KIF19: variants seen among roughly 807,000 people sequenced by gnomAD.
KIF19 encodes the protein kinesin family member 19, also known as kinesin-like protein KIF19.
KIF19 carries 98 observed loss-of-function variants against 106.6 expected under a neutral mutation model. The observed-to-expected ratio is 0.92, with a 90% CI of 0.78 to 1.09. The LOEUF is 1.09. Among genes scored for constraint, KIF19 ranks in the 50% least tolerant of loss-of-function variants. KIF19 has a pLI of 0.00. For missense variants in KIF19, 1,373 were observed against 1,414.3 expected (o/e 0.97, Z 0.47); for synonymous variants, 516 against 584.2 (o/e 0.88, Z 1.68).
intron 2 of KIF19, among the ~76,000 whole-genome samples, chr17:74,338,052 AGGACGCTGTGAACTT>A (rs2054265395): frequency 2.0e-5 from 3 of 152,262 alleles, no homozygotes; most frequent in Admixed American, 6.5e-5. Flanking sequence ...CCAAATGCCC[AGGACGCTGTGAACTT>A]GGCAGTGTCT....
rs779209646 is a variant in KIF19, at chr17:74,354,427, C to G, written c.2574C>G (p.Val858=). 1.9e-6 allele frequency: 3 copies of G among 1,611,144 alleles called. No individual in the cohort carries two copies. The highest frequency in any genetic ancestry group is 1.1e-5 in the South Asian group (1 of 90,778). The change falls in exon 18 of 20, where the codon GTC becomes GTG. Residue 858 remains valine, a synonymous_variant. Coordinates refer to ENST00000389916, the MANE Select transcript of KIF19 (RefSeq NM_153209.4). ...SSTGEAPSRA[V]GHHGDGPRPW... is the part of the protein sequence containing the mutation. Reference sequence around the variant, plus strand: ...CGGGCGAGGCCCCGTCCCGGGCAGTCGGACATCATGGGGACGGCCCCAGGC... The same window carrying G: ...CGGGCGAGGCCCCGTCCCGGGCAGTGGGACATCATGGGGACGGCCCCAGGC...
At position 74,343,027 on chromosome 17, in the gene KIF19, G is replaced by A. The variant is rs1430458585; in HGVS notation, c.323G>A (p.Cys108Tyr). 1.2e-6 allele frequency: 2 copies of A among 1,605,356 alleles called. No homozygotes were observed. Among genetic ancestry groups the A allele is most frequent in the South Asian group, 2.2e-5 (2 of 89,594 alleles). Residue 108 changes from cysteine to tyrosine, a missense_variant, in exon 5 of 20, where the codon TGT (cysteine) becomes TAT (tyrosine). Around this residue, in one of 3 missense-constraint regions of KIF19, gnomAD observed 348 missense variants for 389.5 expected, o/e 0.89. Coordinates refer to ENST00000389916, the MANE Select transcript of KIF19 (RefSeq NM_153209.4). ...ATVFAYGPTGCGKTYTMLGTD... is the reference protein window; with the variant it reads ...ATVFAYGPTGYGKTYTMLGTD... Reference sequence around the variant, plus strand: ...CCTCCACCTTGTTCTGCCCCAGGCTGTGGGAAAACCTACACCATGCTGGGC... The same window carrying A: ...CCTCCACCTTGTTCTGCCCCAGGCTATGGGAAAACCTACACCATGCTGGGC...
rs761725781 is a variant in KIF19, at chr17:74,355,408, G to A, written c.*96G>A. 2.8e-5 allele frequency: 39 copies of A among 1,410,940 alleles called. 1 individual carries two copies. The highest frequency in any genetic ancestry group is 2.5e-4 in the South Asian group (17 of 68,872). 87.4% of individuals were successfully genotyped at this position (1,410,940 alleles called of 1,614,324 possible). A position where few individuals can be genotyped will look rare whatever the true frequency, so the allele number is the denominator to read the frequency against. On this transcript the variant is annotated 3_prime_UTR_variant, in exon 20 of 20. Transcript: ENST00000389916. ...AGGCTGGGCAGATGGAGATGACCAG[G>A]AAGTAAGCTCAGGATCTCAGCAGGC...
At chr17:74,339,567 GC>G (rs1000728699) in intron 2 of KIF19, among the ~76,000 whole-genome samples, 15 of 148,726 alleles carry the variant, frequency 1.0e-4, no homozygotes, top group African/African-American at 3.5e-4. Flanking sequence ...TACCTCCCTC[GC>G]CCCCTTCCCT....
intron 4 of KIF19, 50 bp from the exon 5 acceptor site, chr17:74,342,974 G>A: frequency 6.5e-7 from 1 of 1,535,408 alleles, no homozygotes; most frequent in Non-Finnish European, 8.8e-7. Flanking sequence ...GCCCAGCAAG[G>A]CCTCCCTCCC....
At chr17:74,354,717 G>T (rs1208000816) in intron 18 of KIF19, 65 bp from the exon 19 acceptor site, 27 of 1,531,458 alleles carry the variant, frequency 1.8e-5, no homozygotes, top group Middle Eastern at 3.7e-4. Flanking sequence ...ATAGTAGCTG[G>T]GACAGATCCT....
Position 74,355,427 on chromosome 17 carries a change from A to G in KIF19, c.*115A>G. On this transcript the variant is annotated 3_prime_UTR_variant, in exon 20 of 20. Coordinates refer to ENST00000389916, the MANE Select transcript of KIF19 (RefSeq NM_153209.4). Reference sequence around the variant, plus strand: ...GACCAGGAAGTAAGCTCAGGATCTCAGCAGGCCAGGGCTCCTGAGACCCAG... The same window carrying G: ...GACCAGGAAGTAAGCTCAGGATCTCGGCAGGCCAGGGCTCCTGAGACCCAG... The G allele has an allele frequency of 7.8e-7, 1 of 1,280,136 alleles. No individual in the cohort carries two copies. The highest frequency in any genetic ancestry group is 1.0e-6 in the Non-Finnish European group (1 of 959,242). The allele number at this position is 1,280,136 out of a possible 1,614,324, so 79.3% of individuals were successfully genotyped here.
intron 18 of KIF19, 51 bp from the exon 19 acceptor site, chr17:74,354,731 A>G: frequency 1.3e-6 from 2 of 1,535,652 alleles, no homozygotes; most frequent in African/African-American, 1.4e-5. Flanking sequence ...AGATCCTGGT[A>G]GCAGATCCCT....
chr17:74,353,904 T>C (rs1373698860), intron 17 of KIF19, among the ~76,000 whole-genome samples: 1 of 152,230 alleles, frequency 6.6e-6, no homozygotes, highest in Non-Finnish European at 1.5e-5. Flanking sequence ...ATTCAATGTC[T>C]GCCCCCTGGA....
At chr17:74,330,365 C>G (rs1177658643) in intron 2 of KIF19, among the ~76,000 whole-genome samples, 1 of 152,174 alleles carries the variant, frequency 6.6e-6, no homozygotes, top group African/African-American at 2.4e-5. Context: ...CATGCTTACC[C>G]AGTCCTTGGC....
At position 74,326,509 on chromosome 17, in the gene KIF19, C is replaced by T. The variant is rs971808013; in HGVS notation, c.39+121C>T. 4.2e-5 allele frequency: 37 copies of T among 878,572 alleles called. 1 individual carries two copies. In the African/African-American group the frequency reaches 6.2e-4, roughly 15 times the overall value. 54.4% of individuals were successfully genotyped at this position (878,572 alleles called of 1,614,324 possible). ...TGAGAGGACAGGCAACGACCAGGGC[C>T]GGGACTCTTCAGAGCAACTTTCCCC... On this transcript the variant is annotated intron_variant, in intron 1 of 19. Coordinates refer to ENST00000389916, the MANE Select transcript of KIF19 (RefSeq NM_153209.4).
chr17:74,337,404 T>C lies in KIF19; in HGVS notation c.121-4472T>C, dbSNP rs190172485. 1.9e-3 allele frequency among the ~76,000 whole-genome samples: 295 copies of C among 152,172 alleles called. 2 individuals carry two copies. Among genetic ancestry groups the C allele is most frequent in the African/African-American group, 6.6e-3 (274 of 41,506 alleles). On this transcript the variant is annotated intron_variant, in intron 2 of 19. Coordinates refer to ENST00000389916, the MANE Select transcript of KIF19 (RefSeq NM_153209.4). ...GGCCTCTGTAGATGCACACGTCAGTTCTCGGATCTGTGCAGTGAAGAGCCT... is the reference window on the plus strand; with the variant it reads ...GGCCTCTGTAGATGCACACGTCAGTCCTCGGATCTGTGCAGTGAAGAGCCT...
rs140463696 is a variant in KIF19, at chr17:74,328,434, C to T, written c.49C>T (p.Arg17Trp). The change falls in exon 2 of 20, where the codon CGG (arginine) becomes TGG (tryptophan). Residue 17 changes from arginine to tryptophan, a missense_variant. Arg to Trp is a moderately radical substitution (Grantham distance 101, BLOSUM62 -3). Transcript: ENST00000389916. Reference protein sequence around the residue: ...SKDQQLMVALRVRPISVAELE... With the variant: ...SKDQQLMVALWVRPISVAELE... ...TGGTTTTCCCTCCCAGGTGGCGCTT[C>T]GGGTCCGGCCCATCAGCGTGGCAGA... The T allele has an allele frequency of 6.5e-5, 104 of 1,608,226 alleles. No homozygotes were observed. The highest frequency in any genetic ancestry group is 7.9e-5 in the Non-Finnish European group (93 of 1,178,072).
At chr17:74,339,866 G>A (rs1240865161) in intron 2 of KIF19, among the ~76,000 whole-genome samples, 3 of 152,212 alleles carry the variant, frequency 2.0e-5, no homozygotes, top group Non-Finnish European at 4.4e-5. Flanking sequence ...ACCTCAGGCA[G>A]GTGCAGGGCC....
At chr17:74,345,594 C>T (rs1344799311) in intron 7 of KIF19, among the ~76,000 whole-genome samples, 1 of 152,048 alleles carries the variant, frequency 6.6e-6, no homozygotes, top group Non-Finnish European at 1.5e-5. Context: ...TGGGCTCCCT[C>T]GTGCAGGCAA....
rs553180466 is a variant in KIF19, at chr17:74,331,078, T to C, written c.120+2573T>C. The stretch of plus-strand genomic sequence containing the variant: ...AATGCCTGGCAAGTAGGAGACAAGA[T>C]ACATGAACCCAGGAAGCAAAATGCA... On this transcript the variant is annotated intron_variant, in intron 2 of 19. Transcript: ENST00000389916. The surrounding 1 kb of genome is among the most constrained non-coding windows in gnomAD (Gnocchi z 4.1). 5.3e-5 allele frequency among the ~76,000 whole-genome samples: 8 copies of C among 152,196 alleles called. No individual in the cohort carries two copies. The highest frequency in any genetic ancestry group is 1.9e-4 in the African/African-American group (8 of 41,496).
chr17:74,346,323 A>C lies in KIF19; in HGVS notation c.778-55A>C. ...ATTCATTGGTGGGGTGGCTGGGGAG[A>C]AACCCAGTCCCCTGCCTCATCAGGC... On this transcript the variant is annotated intron_variant, in intron 7 of 19. Coordinates refer to ENST00000389916, the MANE Select transcript of KIF19 (RefSeq NM_153209.4). The surrounding 1 kb of genome is among the most constrained non-coding windows in gnomAD (Gnocchi z 4.6). 1 of 1,521,356 alleles carries C rather than the reference A, an allele frequency of 6.6e-7. No individual in the cohort carries two copies. Among genetic ancestry groups the C allele is most frequent in the South Asian group, 1.2e-5 (1 of 82,342 alleles). 94.2% of individuals were successfully genotyped at this position (1,521,356 alleles called of 1,614,324 possible).
intron 6 of KIF19, 113 bp from the exon 7 acceptor site, chr17:74,344,648 C>T: frequency 1.7e-6 from 2 of 1,162,284 alleles, no homozygotes; most frequent in Non-Finnish European, 1.2e-6. Context: ...TCCAGCCTGC[C>T]CTTTCCCAAC....
At chr17:74,341,786 G>A (rs1398281571) in intron 2 of KIF19, 90 bp from the exon 3 acceptor site, 2 of 855,362 alleles carry the variant, frequency 2.3e-6, no homozygotes, top group South Asian at 1.3e-5. Context: ...ATCGACAAAG[G>A]GGTTAACTTT....
Sources: gnomAD v4.1 joint callset for allele counts (sites outside exome capture counted in the v4.1 genomes callset) on GRCh38, gnomAD v4.1.1 for gene constraint, gnomAD v4.1.1 regional missense constraint, Gnocchi (gnomAD v3.1) non-coding constraint, MANE v1.5 for transcripts, NCBI Gene and HGNC (gene_info 2026-07-23, HGNC 2026-07-21) for gene names.